ZNF549: variants seen among roughly 807,000 people sequenced by gnomAD.
ZNF549 encodes the protein zinc finger protein 549.
ZNF549 carries 11 observed loss-of-function variants against 11.1 expected under a neutral mutation model. The ratio of observed to expected loss-of-function variants is 0.99; its 90% CI spans 0.62 to 1.64. The LOEUF (loss-of-function observed/expected upper bound fraction) is 1.64. Ranked by LOEUF, ZNF549 falls within the 40% of genes most tolerant of loss-of-function variation. The probability of loss-of-function intolerance (pLI) is 0.00; values close to 1 mark genes in which losing one functional copy is unlikely to be tolerated. For missense variants in ZNF549, 748 were observed against 765.1 expected (o/e 0.98, Z 0.26); for synonymous variants, 266 against 269.1 (o/e 0.99, Z 0.11).
Position 57,537,825 on chromosome 19 carries a change from C to T in ZNF549, c.821C>T (p.Pro274Leu). 1 of 1,614,174 alleles carries T rather than the reference C, an allele frequency of 6.2e-7. No homozygotes were observed. Among genetic ancestry groups the T allele is most frequent in the South Asian group, 1.1e-5 (1 of 91,078 alleles). ...EHQRTHNAEK[P>L]YVCNICGKSF... The stretch of plus-strand genomic sequence containing the variant: ...CAGAGAACCCATAATGCAGAAAAGC[C>T]TTATGTGTGCAATATATGTGGGAAA... The change falls in exon 4 of 4, where the codon CCT becomes CTT. Residue 274 changes from proline to leucine, a missense_variant. Pro to Leu is a moderately conservative substitution (Grantham distance 98). Coordinates refer to ENST00000376233, the MANE Select transcript of ZNF549 (RefSeq NM_001199295.2).
chr19:57,538,785 TTATC>T lies in ZNF549; in HGVS notation c.1785_1788del (p.Tyr596LysfsTer40). The T allele has an allele frequency of 1.9e-6, 3 of 1,614,130 alleles. No individual in the cohort carries two copies. Among genetic ancestry groups the T allele is most frequent in the Non-Finnish European group, 2.5e-6 (3 of 1,180,014 alleles). Reference sequence around the variant, plus strand: ...AACTGCACTGCATGTGAGAAGGCCTTTATCTATAAAAACAAACTTGTTGAGCATC... The same window carrying T: ...AACTGCACTGCATGTGAGAAGGCCTTTATAAAAACAAACTTGTTGAGCATC... On this transcript the variant is annotated frameshift_variant, in exon 4 of 4. Coordinates refer to ENST00000376233, the MANE Select transcript of ZNF549 (RefSeq NM_001199295.2). LOFTEE classifies it low-confidence loss of function (END_TRUNC).
Position 57,538,858 on chromosome 19 carries a change from T to G in ZNF549, c.1854T>G (p.Cys618Trp). The change falls in exon 4 of 4, where the codon TGT (cysteine) becomes TGG (tryptophan). Residue 618 changes from cysteine to tryptophan, a missense_variant. Physicochemically the swap from Cys to Trp is radical, Grantham distance 215. Transcript: ENST00000376233. Reference sequence around the variant, plus strand: ...AAAAGCCGTATGAATGTGGTAAATGTGGGAAAGCCTTCAACAAAAGATATT... The same window carrying G: ...AAAAGCCGTATGAATGTGGTAAATGGGGGAAAGCCTTCAACAAAAGATATT... ...TGEKPYECGK[C>W]GKAFNKRYSL... 6.2e-7 allele frequency: 1 copy of G among 1,612,788 alleles called. No individual in the cohort carries two copies. The highest frequency in any genetic ancestry group is 8.5e-7 in the Non-Finnish European group (1 of 1,180,026).
Position 57,537,440 on chromosome 19 carries a change from A to T in ZNF549, c.436A>T (p.Asn146Tyr), listed in dbSNP as rs940532279. Residue 146 changes from asparagine (N) to tyrosine (Y), a missense_variant, in exon 4 of 4, where the codon AAC becomes TAC. Asn to Tyr is a moderately radical substitution (Grantham distance 143). Coordinates refer to ENST00000376233, the MANE Select transcript of ZNF549 (RefSeq NM_001199295.2). ...TGGGAAATGGTTTTCATTTGGTTCTAACCTGCAACAGCACCAGAACCAGGA... is the reference window on the plus strand; with the variant it reads ...TGGGAAATGGTTTTCATTTGGTTCTTACCTGCAACAGCACCAGAACCAGGA... ...ASGKWFSFGS[N>Y]LQQHQNQDSG... 1 of 1,614,120 alleles carries T rather than the reference A, an allele frequency of 6.2e-7. No individual in the cohort carries two copies. The highest frequency in any genetic ancestry group is 1.3e-5 in the African/African-American group (1 of 74,940).
In ZNF549 at chr19:57,537,703, T is replaced by C; in HGVS notation, c.699T>C (p.His233=). 2 of 1,614,154 alleles carry C rather than the reference T, an allele frequency of 1.2e-6. No homozygotes were observed. Among genetic ancestry groups the C allele is most frequent in the East Asian group, 2.2e-5 (1 of 44,882 alleles). The part of the protein sequence containing the change: ...KCEQVFNEKV[H]VTEHQRVHTG... ...AGCAAGTTTTCAATGAGAAAGTTCA[T>C]GTTACTGAGCATCAGAGAGTCCACA... Residue 233 remains histidine (H), a synonymous_variant, in exon 4 of 4, where the codon CAT becomes CAC. Transcript: ENST00000376233.
Position 57,539,347 on chromosome 19 carries a change from G to C in ZNF549, c.*420G>C, listed in dbSNP as rs1194372420. ...CCATGGAGGTTTACCTTCTTCATAG[G>C]TTTTTTTTTTTTTTATGTGATTGCC... On this transcript the variant is annotated 3_prime_UTR_variant, in exon 4 of 4. Coordinates refer to ENST00000376233, the MANE Select transcript of ZNF549 (RefSeq NM_001199295.2). 1 of 146,986 alleles carries C rather than the reference G, an allele frequency of 6.8e-6. No individual in the cohort carries two copies. Among genetic ancestry groups the C allele is most frequent in the Non-Finnish European group, 1.5e-5 (1 of 67,022 alleles). The allele number at this position is 146,986 out of a possible 1,614,324, so 9.1% of individuals were successfully genotyped here. A position where few individuals can be genotyped will look rare whatever the true frequency, so the allele number is the denominator to read the frequency against.
Position 57,538,982 on chromosome 19 carries a change from T to C in ZNF549, c.*55T>C, listed in dbSNP as rs150273851. The C allele has an allele frequency of 1.5e-4, 235 of 1,524,402 alleles. 1 individual carries two copies. In the African/African-American group the frequency reaches 2.8e-3, roughly 18 times the overall value. 94.4% of individuals were successfully genotyped at this position (1,524,402 alleles called of 1,614,324 possible). Reference sequence around the variant, plus strand: ...CACTGTAGGACACCAGAGAGCTGATTTTTCAAGGGATCCAACAGACAGAAA... The same window carrying C: ...CACTGTAGGACACCAGAGAGCTGATCTTTCAAGGGATCCAACAGACAGAAA... On this transcript the variant is annotated 3_prime_UTR_variant, in exon 4 of 4. Coordinates refer to ENST00000376233, the MANE Select transcript of ZNF549 (RefSeq NM_001199295.2).
chr19:57,535,508 C>T (rs975337457), intron 3 of ZNF549: 13 of 474,668 alleles, frequency 2.7e-5, no homozygotes, highest in South Asian at 6.1e-5. Flanking sequence ...CTTGCCCAAC[C>T]GACACCACTT....
intron 3 of ZNF549, among the ~76,000 whole-genome samples, chr19:57,536,275 A>G (rs1405847008): frequency 2.6e-5 from 4 of 152,178 alleles, no homozygotes; most frequent in Admixed American, 6.5e-5. Context: ...TGCATTTAAT[A>G]CACCCAACTT....
rs748754204 is a variant in ZNF549 at position 57,538,663 on chromosome 19, C to T, written c.1659C>T (p.Gly553=). Residue 553 remains glycine, a synonymous_variant, in exon 4 of 4, where the codon GGC becomes GGT. Coordinates refer to ENST00000376233, the MANE Select transcript of ZNF549 (RefSeq NM_001199295.2). The part of the protein sequence containing the change: ...RLLEHQKVHT[G]EKPCECSECG... Reference sequence around the variant, plus strand: ...TTGAGCACCAGAAAGTTCACACTGGCGAAAAGCCCTGTGAGTGCAGTGAAT... The same window carrying T: ...TTGAGCACCAGAAAGTTCACACTGGTGAAAAGCCCTGTGAGTGCAGTGAAT... 37 of 1,613,828 alleles carry T rather than the reference C, an allele frequency of 2.3e-5. No homozygotes were observed. Among genetic ancestry groups the T allele is most frequent in the Middle Eastern group, 1.6e-4 (1 of 6,080 alleles).
chr19:57,534,269 T>C (rs1274164310), intron 2 of ZNF549, among the ~76,000 whole-genome samples: 1 of 152,144 alleles, frequency 6.6e-6, no homozygotes, highest in Non-Finnish European at 1.5e-5. Context: ...GTCCAGCTGT[T>C]GGCACAGTCT....
chr19:57,530,136 G>A (rs2089897932), intron 1 of ZNF549, among the ~76,000 whole-genome samples: 1 of 152,168 alleles, frequency 6.6e-6, no homozygotes, highest in Non-Finnish European at 1.5e-5. Context: ...ACAAGGTGGA[G>A]TCTCTAGATA....
rs747035285 is a variant in ZNF549, at chr19:57,538,067, C to A, written c.1063C>A (p.His355Asn). 5 of 1,613,872 alleles carry A rather than the reference C, an allele frequency of 3.1e-6. No individual in the cohort carries two copies. The East Asian group carries it at 8.9e-5, about 29-fold the overall frequency. Residue 355 changes from histidine (H) to asparagine (N), a missense_variant, in exon 4 of 4, where the codon CAC (histidine) becomes AAC (asparagine). Coordinates refer to ENST00000376233, the MANE Select transcript of ZNF549 (RefSeq NM_001199295.2). Reference sequence around the variant, plus strand: ...ATTTGTTGGCCATCAGCAGAGAATCCACACTGGAGAGAGGCCTTATGTGTG... The same window carrying A: ...ATTTGTTGGCCATCAGCAGAGAATCAACACTGGAGAGAGGCCTTATGTGTG... The part of the protein sequence containing the change: ...QTFVGHQQRI[H>N]TGERPYVCME...
chr19:57,531,619 C>A (rs1279237042), intron 2 of ZNF549, among the ~76,000 whole-genome samples: 1 of 152,162 alleles, frequency 6.6e-6, no homozygotes, highest in Non-Finnish European at 1.5e-5. Context: ...GGTATTATCG[C>A]TCTTGTGCTT....
intron 1 of ZNF549, 113 bp from the exon 2 acceptor site, chr19:57,530,957 C>T: frequency 1.0e-6 from 1 of 955,722 alleles, no homozygotes; most frequent in Non-Finnish European, 1.6e-6. Context: ...CAGATGAAGG[C>T]AACCTCAGAG....
intron 1 of ZNF549, among the ~76,000 whole-genome samples, chr19:57,528,878 T>C (rs529770286): frequency 1.3e-5 from 2 of 152,352 alleles, no homozygotes; most frequent in African/African-American, 4.8e-5. Context: ...AAAAAATAAA[T>C]GTTTGTTTTT....
In ZNF549 at chr19:57,537,248, A is replaced by T. The variant is rs200132064; in HGVS notation, c.244A>T (p.Thr82Ser). ...IEAEEAPSEQ[T>S]LSAQGVSQAR... ...GGCTGAGGAGGCCCCTTCTGAGCAG[A>T]CTCTTTCTGCGCAAGGAGTGTCACA... The change falls in exon 4 of 4, where the codon ACT becomes TCT. Residue 82 changes from threonine to serine, a missense_variant. Thr to Ser is a moderately conservative substitution (Grantham distance 58). Coordinates refer to ENST00000376233, the MANE Select transcript of ZNF549 (RefSeq NM_001199295.2). The T allele has an allele frequency of 1.9e-6, 3 of 1,613,498 alleles. No individual in the cohort carries two copies. The African/African-American group carries it at 4.0e-5, about 22-fold the overall frequency.
rs1340660219 is a variant in ZNF549 at position 57,538,931 on chromosome 19, T to C, written c.*4T>C. 1 of 1,593,250 alleles carries C rather than the reference T, an allele frequency of 6.3e-7. No individual in the cohort carries two copies. Among genetic ancestry groups the C allele is most frequent in the African/African-American group, 1.3e-5 (1 of 74,588 alleles). ...ACATATAACAGAAGAGCCCTAGCAATTGTTGGGATGTGTAATTGTCTTATT... is the reference window on the plus strand; with the variant it reads ...ACATATAACAGAAGAGCCCTAGCAACTGTTGGGATGTGTAATTGTCTTATT... On this transcript the variant is annotated 3_prime_UTR_variant, in exon 4 of 4. Transcript: ENST00000376233.
Position 57,537,670 on chromosome 19 carries a change from C to T in ZNF549, c.666C>T (p.Tyr222=), listed in dbSNP as rs1483518172. 6.2e-7 allele frequency: 1 copy of T among 1,614,172 alleles called. No individual in the cohort carries two copies. The highest frequency in any genetic ancestry group is 1.1e-5 in the South Asian group (1 of 91,084). ...GGGAGACCTTTCAACAAAGACGTTA[C>T]AAATGTGAGCAAGTTTTCAATGAGA... is the stretch of plus-strand genomic sequence containing the variant. The part of the protein sequence containing the change: ...RSRETFQQRR[Y]KCEQVFNEKV... Residue 222 remains tyrosine (Y), a synonymous_variant, in exon 4 of 4, where the codon TAC becomes TAT. Coordinates refer to ENST00000376233, the MANE Select transcript of ZNF549 (RefSeq NM_001199295.2).
intron 1 of ZNF549, among the ~76,000 whole-genome samples, chr19:57,530,732 C>T (rs527540980): frequency 1.3e-5 from 2 of 152,088 alleles, no homozygotes; most frequent in Non-Finnish European, 2.9e-5. Flanking sequence ...TATTTATTAT[C>T]AAAGAAGCAC....
Sources: allele counts gnomAD v4.1 joint callset (sites outside exome capture counted in the v4.1 genomes callset), GRCh38; gene constraint gnomAD v4.1.1; transcripts MANE v1.5; gene names NCBI Gene and HGNC (gene_info 2026-07-23, HGNC 2026-07-21).